Variants in BICD1 observed in about 807,000 individuals in gnomAD.
The protein encoded by BICD1 is BICD cargo adaptor 1.
A neutral mutation model predicts 92.5 loss-of-function variants in BICD1; 35 were observed. The observed-to-expected ratio is 0.38, with a 90% CI of 0.29 to 0.50. The LOEUF is 0.50. Among genes scored for constraint, BICD1 ranks in the 20% least tolerant of loss-of-function variants. The pLI, the probability that BICD1 is intolerant of heterozygous loss-of-function variation, is 0.93. For synonymous variants in BICD1, 429 were observed against 465.1 expected, an observed-to-expected ratio of 0.92 and a Z score of 1.00; for missense variants, 950 against 1,189.8, an observed-to-expected ratio of 0.80 and a Z score of 2.97.
intron 2 of BICD1, among the ~76,000 whole-genome samples, chr12:32,260,263 C>T (rs1012454454): frequency 4.6e-5 from 7 of 152,112 alleles, no homozygotes; most frequent in African/African-American, 9.7e-5. Flanking sequence ...TGGTTGCCAA[C>T]GTTTAAAAAT....
At position 32,382,134 on chromosome 12, in the gene BICD1, G is replaced by A. The variant is rs1003896655; in HGVS notation, c.*4507G>A. On this transcript the variant is annotated 3_prime_UTR_variant, in exon 10 of 10. Coordinates refer to ENST00000652176, the MANE Select transcript of BICD1 (RefSeq NM_001714.4). ...ATTAAGTTCATCTTTATTTATATGC[G>A]AACTTAACTGCCATAGTCCCTAATG... The A allele has an allele frequency of 2.0e-5, 3 of 151,942 alleles. No homozygotes were observed. The highest frequency in any genetic ancestry group is 4.4e-5 in the Non-Finnish European group (3 of 67,930). The allele number at this position is 151,942 out of a possible 1,614,324, so 9.4% of individuals were successfully genotyped here.
chr12:32,294,970 T>C (rs1433817965), intron 3 of BICD1, among the ~76,000 whole-genome samples: 1 of 150,646 alleles, frequency 6.6e-6, no homozygotes, highest in Non-Finnish European at 1.5e-5. Context: ...TAATCTCAGC[T>C]ACTCAGGAGG....
At chr12:32,320,369 C>T (rs1414469066) in intron 4 of BICD1, among the ~76,000 whole-genome samples, 1 of 151,884 alleles carries the variant, frequency 6.6e-6, no homozygotes, top group East Asian at 1.9e-4. Flanking sequence ...AGGCTGGGCA[C>T]GGTGGCTCAC....
intron 1 of BICD1, among the ~76,000 whole-genome samples, chr12:32,137,043 C>T (rs1942756427): frequency 6.6e-6 from 1 of 152,152 alleles, no homozygotes; most frequent in Admixed American, 6.6e-5. Flanking sequence ...CTAGTTTTCA[C>T]TGAATATTTA....
intron 1 of BICD1, among the ~76,000 whole-genome samples, chr12:32,204,894 C>T (rs1945004298): frequency 6.6e-6 from 1 of 152,160 alleles, no homozygotes; most frequent in Admixed American, 6.5e-5. Flanking sequence ...AATGTTACCC[C>T]ACGCATCATC....
At chr12:32,255,429 C>A (rs1375174270) in intron 2 of BICD1, among the ~76,000 whole-genome samples, 1 of 152,136 alleles carries the variant, frequency 6.6e-6, no homozygotes, top group Admixed American at 6.5e-5. Flanking sequence ...CCTATCCATG[C>A]CAAAATCTTA....
chr12:32,332,750 A>T, intron 5 of BICD1: 1 of 618,024 alleles, frequency 1.6e-6, no homozygotes, highest in Non-Finnish European at 2.0e-6. Flanking sequence ...TGTTTTCCAG[A>T]GGAGGAGGAA....
At chr12:32,246,328 G>A (rs792854) in intron 2 of BICD1, among the ~76,000 whole-genome samples, 51,978 of 132,948 alleles carry the variant, frequency 0.39, 10,930 homozygotes, top group Non-Finnish European at 0.47. Flanking sequence ...AAAAAAAAAA[G>A]GTTGATTAAA....
At chr12:32,375,064 G>T (rs528477386) in intron 9 of BICD1, among the ~76,000 whole-genome samples, 2 of 148,742 alleles carry the variant, frequency 1.3e-5, no homozygotes, top group East Asian at 4.1e-4. Flanking sequence ...GACTACAGGC[G>T]CCCGCCACCA....
intron 2 of BICD1, among the ~76,000 whole-genome samples, chr12:32,261,701 T>C (rs1946864315): frequency 6.6e-6 from 1 of 152,080 alleles, no homozygotes; most frequent in African/African-American, 2.4e-5. Flanking sequence ...ACTACTGAAG[T>C]GGTGTTGGCA....
chr12:32,180,745 T>A (rs1197259417), intron 1 of BICD1, among the ~76,000 whole-genome samples: 3 of 152,000 alleles, frequency 2.0e-5, no homozygotes, highest in Non-Finnish European at 4.4e-5. Context: ...ATTTTGTTAA[T>A]AATAAAAGCT....
chr12:32,203,848 A>G (rs559488081), intron 1 of BICD1, among the ~76,000 whole-genome samples: 1 of 152,300 alleles, frequency 6.6e-6, no homozygotes, highest in East Asian at 1.9e-4. Context: ...GTCTGGCACA[A>G]TAACATGTAA....
At chr12:32,333,266 T>G (rs1937959167) in intron 5 of BICD1, 1 of 984,706 alleles carries the variant, frequency 1.0e-6, no homozygotes, top group African/African-American at 1.7e-5. Context: ...GATAATTTTC[T>G]GAATCTGTAA....
chr12:32,257,250 C>G (rs866720778), intron 2 of BICD1, among the ~76,000 whole-genome samples: 76 of 148,572 alleles, frequency 5.1e-4, no homozygotes, highest in Middle Eastern at 3.6e-3. Context: ...TTTAAAGCAT[C>G]ACTAGGATCA....
chr12:32,155,609 C>T (rs1239901925), intron 1 of BICD1, among the ~76,000 whole-genome samples: 1 of 152,088 alleles, frequency 6.6e-6, no homozygotes, highest in Non-Finnish European at 1.5e-5. Context: ...GCTTTTGTTG[C>T]TATATAATAG....
chr12:32,312,198 A>AAAAAC (rs10650500), intron 4 of BICD1, among the ~76,000 whole-genome samples: 78,096 of 151,286 alleles, frequency 0.52, 20,563 homozygotes, highest in Middle Eastern at 0.59. Flanking sequence ...GAACTATGGA[A>AAAAAC]AAAACAAAAC....
chr12:32,139,946 C>T (rs568807108), intron 1 of BICD1, among the ~76,000 whole-genome samples: 14 of 152,270 alleles, frequency 9.2e-5, no homozygotes, highest in South Asian at 2.1e-4. Context: ...GGTCTTATAC[C>T]AGCCGAGAAG....
At chr12:32,119,544 A>G (rs1300739024) in intron 1 of BICD1, among the ~76,000 whole-genome samples, 1 of 152,144 alleles carries the variant, frequency 6.6e-6, no homozygotes, top group Non-Finnish European at 1.5e-5. Context: ...CAACTTGAGG[A>G]CTAAATGACC....
chr12:32,180,717 A>G (rs1378560466), intron 1 of BICD1, among the ~76,000 whole-genome samples: 1 of 152,024 alleles, frequency 6.6e-6, no homozygotes, highest in African/African-American at 2.4e-5. Flanking sequence ...GCCTTCCAGA[A>G]CATCACACTT....
Sources: allele counts gnomAD v4.1 joint callset (sites outside exome capture counted in the v4.1 genomes callset), GRCh38; gene constraint gnomAD v4.1.1; transcripts MANE v1.5; gene names NCBI Gene and HGNC (gene_info 2026-07-23, HGNC 2026-07-21).